Variants in PCDH11X observed in about 807,000 individuals in gnomAD.
PCDH11X encodes the protein protocadherin 11 X-linked.
Under a neutral mutation model 53.3 loss-of-function variants are expected in PCDH11X, and 18 were observed. That is an observed-to-expected ratio of 0.34 (90% CI 0.23 to 0.50). PCDH11X has a LOEUF of 0.50. Ranked by LOEUF, PCDH11X falls within the 20% of genes least tolerant of loss-of-function variation. The pLI is 0.98. For missense variants in PCDH11X, 570 were observed against 1,032.4 expected, an observed-to-expected ratio of 0.55 and a Z score of 6.14; for synonymous variants, 279 against 393.3, an observed-to-expected ratio of 0.71 and a Z score of 3.44.
intron 6 of PCDH11X, among the ~76,000 whole-genome samples, chrX:91,927,454 C>G (rs1941983945): frequency 1.8e-5 from 2 of 110,220 alleles, no homozygotes; most frequent in South Asian, 7.7e-4. Context: ...GGTCTCAGAA[C>G]TAGTGAATGG....
chrX:91,916,848 G>A, intron 6 of PCDH11X, among the ~76,000 whole-genome samples: 1 of 110,144 alleles, frequency 9.1e-6, no homozygotes, highest in East Asian at 2.9e-4. Context: ...TATCAAGAAA[G>A]GACGTAACAA....
chrX:92,110,756 C>G (rs1367330000), intron 6 of PCDH11X, among the ~76,000 whole-genome samples: 2 of 110,730 alleles, frequency 1.8e-5, no homozygotes, highest in African/African-American at 6.6e-5. Context: ...AGCCTTTCAT[C>G]TGGTAGCCAT....
At chrX:92,389,237 C>T (rs1286478369) in intron 9 of PCDH11X, among the ~76,000 whole-genome samples, 2 of 110,126 alleles carry the variant, frequency 1.8e-5, no homozygotes, top group Non-Finnish European at 3.8e-5. Context: ...CTTTAATTTA[C>T]TTTGTTTAGT....
intron 8 of PCDH11X, among the ~76,000 whole-genome samples, chrX:92,299,595 A>C (rs893134445): frequency 3.6e-5 from 4 of 111,634 alleles, no homozygotes; most frequent in African/African-American, 1.3e-4. Flanking sequence ...GTTTGTGTGC[A>C]TACATACACA....
chrX:91,827,313 T>A (rs1390385161), intron 4 of PCDH11X, among the ~76,000 whole-genome samples: 1 of 111,517 alleles, frequency 9.0e-6, no homozygotes, highest in African/African-American at 3.3e-5. Flanking sequence ...TGGGGTTGTT[T>A]TTTTCTTGTA....
intron 5 of PCDH11X, among the ~76,000 whole-genome samples, chrX:91,862,629 A>T: frequency 1.4e-5 from 1 of 73,008 alleles, no homozygotes; most frequent in Admixed American, 1.8e-4. Flanking sequence ...TTTATTATTT[A>T]TTTCCTTCTA....
chrX:92,572,562 C>T (rs1260931965), intron 10 of PCDH11X, among the ~76,000 whole-genome samples: 4 of 106,522 alleles, frequency 3.8e-5, no homozygotes, highest in Non-Finnish European at 7.7e-5. Flanking sequence ...AAGTGAAAGG[C>T]AATTTTTAAA....
chrX:92,170,988 T>C (rs1432728853), intron 6 of PCDH11X, among the ~76,000 whole-genome samples: 1 of 97,012 alleles, frequency 1.0e-5, no homozygotes, highest in African/African-American at 3.6e-5. Context: ...TTTACTTCTT[T>C]TGTAGAGACA....
chrX:92,054,454 A>G (rs769127714), intron 6 of PCDH11X, among the ~76,000 whole-genome samples: 1 of 112,076 alleles, frequency 8.9e-6, no homozygotes, highest in South Asian at 3.7e-4. Flanking sequence ...AAATTTTTAC[A>G]GGATTCCATG....
intron 1 of PCDH11X, among the ~76,000 whole-genome samples, chrX:91,788,489 A>G (rs1163406317): frequency 8.9e-6 from 1 of 111,894 alleles, no homozygotes; most frequent in Non-Finnish European, 1.9e-5. Flanking sequence ...GGATGGTTTT[A>G]TTTTTATAAA....
intron 10 of PCDH11X, among the ~76,000 whole-genome samples, chrX:92,576,523 C>A (rs1209097073): frequency 2.1e-5 from 2 of 95,865 alleles, no homozygotes; most frequent in Non-Finnish European, 4.2e-5. Context: ...AGGTGATTTT[C>A]TCTGGTGACA....
intron 6 of PCDH11X, among the ~76,000 whole-genome samples, chrX:92,184,403 T>A (rs770931027): frequency 8.9e-6 from 1 of 112,162 alleles, no homozygotes; most frequent in East Asian, 2.8e-4. Context: ...ATGACCATAC[T>A]ACCCAAAGTG....
intron 6 of PCDH11X, among the ~76,000 whole-genome samples, chrX:92,142,516 G>A (rs1237414115): frequency 9.0e-6 from 1 of 110,799 alleles, no homozygotes; most frequent in Non-Finnish European, 1.9e-5. Flanking sequence ...CACTGTGCCC[G>A]GCCCAAGTGC....
intron 8 of PCDH11X, among the ~76,000 whole-genome samples, chrX:92,269,004 G>T (rs1453822833): frequency 8.9e-6 from 1 of 112,316 alleles, no homozygotes; most frequent in Non-Finnish European, 1.9e-5. Context: ...ATGTACATAT[G>T]TGCATTCCCT....
rs1182299261 is a variant in PCDH11X, at chrX:91,835,745, A to G, written c.241A>G (p.Thr81Ala). The change falls in exon 5 of 11, where the codon ACT becomes GCT. Residue 81 changes from threonine to alanine, a missense_variant. Around this residue, in one of 6 missense-constraint regions of PCDH11X, gnomAD observed 84 missense variants for 142.0 expected, o/e 0.59. Transcript: ENST00000682573. The stretch of plus-strand genomic sequence containing the variant: ...GCCACTGATTCGAATTGAAGAGGAT[A>G]CTGGTGAGATCTTCACTACTGGCGC... ...DVPLIRIEED[T>A]GEIFTTGARI... 5.8e-6 allele frequency: 7 copies of G among 1,211,729 alleles called. No individual in the cohort carries two copies. In the Admixed American group the frequency reaches 1.3e-4, roughly 23 times the overall value.
At chrX:92,346,978 G>C (rs1451678334) in intron 8 of PCDH11X, among the ~76,000 whole-genome samples, 1 of 110,972 alleles carries the variant, frequency 9.0e-6, no homozygotes, top group East Asian at 2.8e-4. Flanking sequence ...AAAAAACTAA[G>C]GTTTATTAAA....
At chrX:92,572,206 A>T (rs757794720) in intron 10 of PCDH11X, among the ~76,000 whole-genome samples, 1 of 112,295 alleles carries the variant, frequency 8.9e-6, no homozygotes, top group East Asian at 2.8e-4. Flanking sequence ...TTCTTATTGC[A>T]AATTATAAAT....
At chrX:92,108,206 TTTC>T (rs1275630596) in intron 6 of PCDH11X, among the ~76,000 whole-genome samples, 5 of 112,139 alleles carry the variant, frequency 4.5e-5, no homozygotes, top group Non-Finnish European at 9.4e-5. Flanking sequence ...TGTTCATTGG[TTTC>T]TTCTTCTTTA....
chrX:92,335,204 ATT>A lies in PCDH11X; in HGVS notation c.3145-52521_3145-52520del, dbSNP rs59511591. 3.2e-3 allele frequency among the ~76,000 whole-genome samples: 339 copies of A among 105,701 alleles called. 2 individuals are homozygous for A. Among genetic ancestry groups the A allele is most frequent in the African/African-American group, 0.011 (314 of 29,035 alleles). The allele number at this position is 105,701 out of a possible 115,157, so 91.8% of individuals were successfully genotyped here. A position where few individuals can be genotyped will look rare whatever the true frequency, so the allele number is the denominator to read the frequency against. The stretch of plus-strand genomic sequence containing the variant: ...ACCACCTTGAATCTATGTAAAATCA[ATT>A]TTTTTTTTTCAGAGCCCAAAGCATA... On this transcript the variant is annotated intron_variant, in intron 8 of 10. Coordinates refer to ENST00000682573, the MANE Select transcript of PCDH11X (RefSeq NM_032968.5).
Sources: gnomAD v4.1 joint callset for allele counts (sites outside exome capture counted in the v4.1 genomes callset) on GRCh38, gnomAD v4.1.1 for gene constraint, gnomAD v4.1.1 regional missense constraint, MANE v1.5 for transcripts, NCBI Gene and HGNC (gene_info 2026-07-23, HGNC 2026-07-21) for gene names.